UBA6: variants seen among roughly 807,000 people sequenced by gnomAD.
The protein encoded by UBA6 is ubiquitin-like modifier-activating enzyme 6.
Under a neutral mutation model 148.3 loss-of-function variants are expected in UBA6, and 87 were observed. The ratio of observed to expected loss-of-function variants is 0.59; its 90% CI spans 0.49 to 0.70. The LOEUF (loss-of-function observed/expected upper bound fraction) is 0.70, where lower values mean the gene tolerates loss of function less well. UBA6 is among the 30% of genes least tolerant of loss of function. The pLI is 0.00. For missense variants in UBA6, 1,186 were observed against 1,241.2 expected, an observed-to-expected ratio of 0.96 and a Z score of 0.67; for synonymous variants, 376 against 401.0, an observed-to-expected ratio of 0.94 and a Z score of 0.75.
chr4:67,660,184 G>C (rs1729814298), intron 13 of UBA6, among the ~76,000 whole-genome samples: 1 of 152,174 alleles, frequency 6.6e-6, no homozygotes, highest in Non-Finnish European at 1.5e-5. Flanking sequence ...TGATACAATA[G>C]AAAAGAAAAA....
intron 2 of UBA6, among the ~76,000 whole-genome samples, chr4:67,683,289 T>C (rs1730483972): frequency 6.6e-6 from 1 of 152,254 alleles, no homozygotes; most frequent in Non-Finnish European, 1.5e-5. Flanking sequence ...TTTTAGACTT[T>C]GTATAGATGG....
Position 67,665,222 on chromosome 4 carries a change from A to T in UBA6, c.864T>A (p.Ala288=). 1 of 1,601,426 alleles carries T rather than the reference A, an allele frequency of 6.2e-7. No homozygotes were observed. Among genetic ancestry groups the T allele is most frequent in the Non-Finnish European group, 8.5e-7 (1 of 1,176,162 alleles). Residue 288 remains alanine (A), a synonymous_variant, in exon 10 of 33, where the codon GCT becomes GCA. Transcript: ENST00000322244. The part of the protein sequence containing the change: ...ELEPYLHGGI[A]VQVKTPKTVF... ...CTGTTTTAGGAGTCTTAACTTGGAC[A>T]GCTATGCCTCCATGTAAATATGGTT...
At chr4:67,637,385 C>A (rs1729186154) in intron 19 of UBA6, among the ~76,000 whole-genome samples, 1 of 151,770 alleles carries the variant, frequency 6.6e-6, no homozygotes. Flanking sequence ...GCCACCCCTT[C>A]TGGGAAGTGA....
At chr4:67,624,295 A>T in intron 29 of UBA6, 42 bp from the exon 30 acceptor site, 2 of 1,543,484 alleles carry the variant, frequency 1.3e-6, no homozygotes, top group Non-Finnish European at 1.7e-6. Flanking sequence ...ACAGCCTAAA[A>T]CTATCCGTGA....
In UBA6 at chr4:67,624,219, T is replaced by C. The variant is rs1167155819; in HGVS notation, c.2747A>G (p.Tyr916Cys). 2 of 1,610,114 alleles carry C rather than the reference T, an allele frequency of 1.2e-6. No homozygotes were observed. Among genetic ancestry groups the C allele is most frequent in the Non-Finnish European group, 1.7e-6 (2 of 1,178,302 alleles). Residue 916 changes from tyrosine to cysteine, a missense_variant, in exon 30 of 33, where the codon TAT (tyrosine) becomes TGT (cysteine). Tyr to Cys is a radical substitution (Grantham distance 194, BLOSUM62 -2). Transcript: ENST00000322244. Reference protein sequence around the residue: ...ALEMIKVTGGYPFEAYKNCFL... With the variant: ...ALEMIKVTGGCPFEAYKNCFL... Reference sequence around the variant, plus strand: ...ACAATTTTTGTAAGCTTCAAATGGATAGCCACCAGTTACTTTGATCATCTC... The same window carrying C: ...ACAATTTTTGTAAGCTTCAAATGGACAGCCACCAGTTACTTTGATCATCTC...
intron 2 of UBA6, among the ~76,000 whole-genome samples, chr4:67,696,418 C>A (rs1349061200): frequency 1.3e-5 from 2 of 149,988 alleles, no homozygotes; most frequent in African/African-American, 4.9e-5. Flanking sequence ...CACACATATA[C>A]ATATATACAC....
chr4:67,634,637 A>G, intron 20 of UBA6, 119 bp from the exon 21 acceptor site: 1 of 628,476 alleles, frequency 1.6e-6, no homozygotes, highest in Non-Finnish European at 2.5e-6. Context: ...AAATCCAACC[A>G]GACATTTTTA....
intron 17 of UBA6, among the ~76,000 whole-genome samples, chr4:67,641,715 G>C (rs1024169966): frequency 1.3e-4 from 19 of 151,798 alleles, no homozygotes; most frequent in Non-Finnish European, 1.9e-4. Flanking sequence ...TGTAACTAAA[G>C]TTTTATTGAA....
Position 67,701,123 on chromosome 4 carries a change from C to T in UBA6, c.-4G>A, listed in dbSNP as rs770284602. The stretch of plus-strand genomic sequence containing the variant: ...CCACAGGCTCGGATCCTTCCATTGC[C>T]GCCTGAGACACCGCCGCCGGCTACT... On this transcript the variant is annotated 5_prime_UTR_variant, in exon 1 of 33. Coordinates refer to ENST00000322244, the MANE Select transcript of UBA6 (RefSeq NM_018227.6). 3.1e-6 allele frequency: 5 copies of T among 1,612,566 alleles called. No individual in the cohort carries two copies. The highest frequency in any genetic ancestry group is 4.2e-6 in the Non-Finnish European group (5 of 1,179,798).
At chr4:67,628,349 A>T (rs184683344) in intron 27 of UBA6, among the ~76,000 whole-genome samples, 33 of 151,884 alleles carry the variant, frequency 2.2e-4, no homozygotes, top group Non-Finnish European at 4.1e-4. Flanking sequence ...CCCCTTGTAT[A>T]TTCTCTTCTA....
At chr4:67,696,486 CACACAT>C in intron 2 of UBA6, among the ~76,000 whole-genome samples, 153 bp downstream of exon 2, 1 of 150,358 alleles carries the variant, frequency 6.7e-6, no homozygotes, top group South Asian at 2.1e-4. Context: ...CATATATACA[CACACAT>C]ATATATACAC....
intron 2 of UBA6, among the ~76,000 whole-genome samples, chr4:67,693,337 T>C (rs549461816): frequency 6.6e-6 from 1 of 151,728 alleles, no homozygotes; most frequent in South Asian, 2.1e-4. Context: ...ACTGTGTATA[T>C]ATATATATAC....
Position 67,634,287 on chromosome 4 carries a change from A to C in UBA6, c.1968T>G (p.Phe656Leu), listed in dbSNP as rs188494703. The C allele has an allele frequency of 6.3e-7, 1 of 1,596,278 alleles. No individual in the cohort carries two copies. The highest frequency in any genetic ancestry group is 2.2e-5 in the East Asian group (1 of 44,564). Residue 656 changes from phenylalanine to leucine, a missense_variant, in exon 22 of 33, where the codon TTT (phenylalanine) becomes TTG (leucine). Phe to Leu is a conservative substitution (Grantham distance 22). Transcript: ENST00000322244. ...ATGAATAGGTTTGCCAAAATTTGTTAAACAATGAAGGTTTGTGGGAAAAGG... is the reference window on the plus strand; with the variant it reads ...ATGAATAGGTTTGCCAAAATTTGTTCAACAATGAAGGTTTGTGGGAAAAGG... ...ESSFSHKPSL[F>L]NKFWQTYSSA...
rs1433863867 is a variant in UBA6 at position 67,677,839 on chromosome 4, C to T, written c.354-117G>A. 2.6e-5 allele frequency: 14 copies of T among 530,702 alleles called. No homozygotes were observed. The South Asian group carries it at 3.8e-4, about 15-fold the overall frequency. 32.9% of individuals were successfully genotyped at this position (530,702 alleles called of 1,614,324 possible). Reference sequence around the variant, plus strand: ...ACATGTTACAAAATTTCAATGGAAACTTACCTTGTAGAAGAAAGAAACCAA... The same window carrying T: ...ACATGTTACAAAATTTCAATGGAAATTTACCTTGTAGAAGAAAGAAACCAA... On this transcript the variant is annotated intron_variant, in intron 5 of 32. Coordinates refer to ENST00000322244, the MANE Select transcript of UBA6 (RefSeq NM_018227.6).
At chr4:67,669,537 A>T (rs751580024) in intron 8 of UBA6, among the ~76,000 whole-genome samples, 14 of 152,182 alleles carry the variant, frequency 9.2e-5, no homozygotes, top group Non-Finnish European at 1.8e-4. Context: ...AGTTGATTAC[A>T]AAGAGTACAA....
At chr4:67,644,838 C>T (rs2109915875) in intron 16 of UBA6, 60 bp from the exon 17 acceptor site, 2 of 816,668 alleles carry the variant, frequency 2.4e-6, no homozygotes, top group South Asian at 1.8e-5. Context: ...AATCATTTTA[C>T]TTTGAAATAT....
In UBA6 at chr4:67,646,011, T is replaced by C. The variant is rs1729414296; in HGVS notation, c.1322A>G (p.Asp441Gly). The C allele has an allele frequency of 6.4e-7, 1 of 1,562,028 alleles. No homozygotes were observed. The highest frequency in any genetic ancestry group is 1.2e-5 in the South Asian group (1 of 82,062). Reference sequence around the variant, plus strand: ...GCAAGCTCTTAAGGCATCATATCTATCTCCTCTGAAAAAAATAACATATAC... The same window carrying C: ...GCAAGCTCTTAAGGCATCATATCTACCTCCTCTGAAAAAAATAACATATAC... ...PECEEFLPRG[D>G]RYDALRACIG... The change falls in exon 16 of 33, where the codon GAT (aspartate) becomes GGT (glycine). Residue 441 changes from aspartate to glycine, a missense_variant. Physicochemically the swap from Asp to Gly is moderately conservative, Grantham distance 94 (BLOSUM62 -1). Coordinates refer to ENST00000322244, the MANE Select transcript of UBA6 (RefSeq NM_018227.6).
chr4:67,654,581 C>T (rs553992518), intron 13 of UBA6, among the ~76,000 whole-genome samples: 15 of 152,152 alleles, frequency 9.9e-5, no homozygotes, highest in Non-Finnish European at 1.6e-4. Context: ...ACTGCAAAAA[C>T]ATGCCAAATG....
intron 17 of UBA6, among the ~76,000 whole-genome samples, chr4:67,643,064 CTT>C (rs1341834583): frequency 1.3e-5 from 2 of 151,778 alleles, no homozygotes; most frequent in East Asian, 3.8e-4. Context: ...TTCTAGCTCT[CTT>C]TATCTCTGAT....
Sources: gnomAD v4.1 joint callset for allele counts (sites outside exome capture counted in the v4.1 genomes callset) on GRCh38, gnomAD v4.1.1 for gene constraint, MANE v1.5 for transcripts, NCBI Gene and HGNC (gene_info 2026-07-23, HGNC 2026-07-21) for gene names.